Variants in EFNA5 observed in about 807,000 individuals in gnomAD.
The protein encoded by EFNA5 is ephrin-A5.
In EFNA5, 5 loss-of-function variants were observed where a neutral mutation model predicts 22.9. The observed-to-expected ratio is 0.22, with a 90% CI of 0.11 to 0.46. The LOEUF (loss-of-function observed/expected upper bound fraction) is 0.46, where lower values mean the gene tolerates loss of function less well. Among genes scored for constraint, EFNA5 ranks in the 20% least tolerant of loss-of-function variants. EFNA5 has a pLI of 0.99. For missense variants in EFNA5, 237 were observed against 293.3 expected, an observed-to-expected ratio of 0.81 and a Z score of 1.40; for synonymous variants, 113 against 112.2, an observed-to-expected ratio of 1.01 and a Z score of -0.04.
At chr5:107,612,530 CA>C (rs1749838345) in intron 1 of EFNA5, among the ~76,000 whole-genome samples, 1 of 151,786 alleles carries the variant, frequency 6.6e-6, no homozygotes, top group East Asian at 1.9e-4. Flanking sequence ...AAAGTTCATC[CA>C]AAATATCTAC....
Position 107,457,857 on chromosome 5 carries a change from C to T in EFNA5, c.126-30348G>A, listed in dbSNP as rs12659194. Among the ~76,000 whole-genome samples the T allele has an allele frequency of 1.2e-3, 190 of 152,282 alleles. 1 individual carries two copies. The East Asian group carries it at 0.034, about 27-fold the overall frequency. On this transcript the variant is annotated intron_variant, in intron 1 of 4. Transcript: ENST00000333274. ...TCCTCTGAATTGCTTCACATAGGAG[C>T]AGCAACTATGTTCACTTCACATATG... is the stretch of plus-strand genomic sequence containing the variant.
At chr5:107,390,894 C>T (rs1278330682) in intron 2 of EFNA5, among the ~76,000 whole-genome samples, 1 of 152,184 alleles carries the variant, frequency 6.6e-6, no homozygotes, top group Admixed American at 6.5e-5. Context: ...TGCAGTGGCT[C>T]ATGCCTGCAA....
rs77676062 is a variant in EFNA5 at position 107,464,807 on chromosome 5, T to C, written c.126-37298A>G. ...AAACCAAATCCATAAGCAAAATTCA[T>C]CACGCCAGGAAAGAGGAGAGGGGAA... On this transcript the variant is annotated intron_variant, in intron 1 of 4. Transcript: ENST00000333274. 7.9e-3 allele frequency among the ~76,000 whole-genome samples: 1,201 copies of C among 152,152 alleles called. 23 individuals are homozygous for C. The highest frequency in any genetic ancestry group is 0.027 in the African/African-American group (1,137 of 41,520).
intron 2 of EFNA5, among the ~76,000 whole-genome samples, chr5:107,420,761 T>C (rs748040100): frequency 9.2e-5 from 14 of 152,140 alleles, no homozygotes; most frequent in Non-Finnish European, 1.9e-4. Flanking sequence ...CCATATGTGG[T>C]TTATTATGGC....
chr5:107,415,650 C>A (rs922410943), intron 2 of EFNA5, among the ~76,000 whole-genome samples: 1 of 152,224 alleles, frequency 6.6e-6, no homozygotes, highest in African/African-American at 2.4e-5. Flanking sequence ...ATGGCTGCTA[C>A]AATTCCTTAA....
chr5:107,381,251 T>C lies in EFNA5; in HGVS notation c.*4A>G. 1.9e-6 allele frequency: 3 copies of C among 1,612,530 alleles called. No homozygotes were observed. Among genetic ancestry groups the C allele is most frequent in the Non-Finnish European group, 1.7e-6 (2 of 1,178,728 alleles). On this transcript the variant is annotated 3_prime_UTR_variant, in exon 5 of 5. Transcript: ENST00000333274. Reference sequence around the variant, plus strand: ...TCTGTGACAAGTGATGGGAGGAGACTGTGCTATAATGTCAAAAGCATCGCC... The same window carrying C: ...TCTGTGACAAGTGATGGGAGGAGACCGTGCTATAATGTCAAAAGCATCGCC...
At chr5:107,640,454 G>C (rs1750477437) in intron 1 of EFNA5, among the ~76,000 whole-genome samples, 1 of 152,224 alleles carries the variant, frequency 6.6e-6, no homozygotes, top group Non-Finnish European at 1.5e-5. Flanking sequence ...TACTTCTATA[G>C]TGAAAACAAG....
chr5:107,486,756 C>T (rs1294626058), intron 1 of EFNA5, among the ~76,000 whole-genome samples: 1 of 152,156 alleles, frequency 6.6e-6, no homozygotes, highest in Non-Finnish European at 1.5e-5. Context: ...TAGTTACCTG[C>T]CTTAATAAAC....
At chr5:107,418,322 G>T (rs1053734633) in intron 2 of EFNA5, among the ~76,000 whole-genome samples, 16 of 152,138 alleles carry the variant, frequency 1.1e-4, no homozygotes, top group African/African-American at 3.4e-4. Flanking sequence ...TCATTAAACT[G>T]TTTCAGTTAA....
At chr5:107,667,200 T>G (rs1751095029) in intron 1 of EFNA5, among the ~76,000 whole-genome samples, 2 of 152,124 alleles carry the variant, frequency 1.3e-5, no homozygotes, top group Admixed American at 6.5e-5. Flanking sequence ...TTCAAACTGA[T>G]AGTTCTGAGT....
intron 2 of EFNA5, among the ~76,000 whole-genome samples, chr5:107,390,087 A>C (rs1232050021): frequency 6.6e-6 from 1 of 152,232 alleles, no homozygotes; most frequent in Non-Finnish European, 1.5e-5. Context: ...TAAACTCCTA[A>C]CCCTTACAGC....
chr5:107,381,166 A>T lies in EFNA5; in HGVS notation c.*89T>A. Reference sequence around the variant, plus strand: ...CTGACATCTGCCAAAACCCAATAACAAGTCCCTTCTTAGGATGAGCAGTTA... The same window carrying T: ...CTGACATCTGCCAAAACCCAATAACTAGTCCCTTCTTAGGATGAGCAGTTA... On this transcript the variant is annotated 3_prime_UTR_variant, in exon 5 of 5. Coordinates refer to ENST00000333274, the MANE Select transcript of EFNA5 (RefSeq NM_001962.3). The T allele has an allele frequency of 1.3e-6, 2 of 1,486,680 alleles. No homozygotes were observed. The highest frequency in any genetic ancestry group is 4.1e-5 in the Admixed American group (2 of 48,326). 92.1% of individuals were successfully genotyped at this position (1,486,680 alleles called of 1,614,324 possible).
At chr5:107,395,198 C>G (rs568729785) in intron 2 of EFNA5, among the ~76,000 whole-genome samples, 1 of 151,942 alleles carries the variant, frequency 6.6e-6, no homozygotes, top group Admixed American at 6.6e-5. Context: ...GCCAACATGC[C>G]TGGCTAATTT....
At chr5:107,428,895 T>C (rs1333517258) in intron 1 of EFNA5, among the ~76,000 whole-genome samples, 1 of 152,244 alleles carries the variant, frequency 6.6e-6, no homozygotes, top group Non-Finnish European at 1.5e-5. Context: ...CAAATTCCTC[T>C]TCTGCAAGGG....
At chr5:107,538,183 G>A (rs1471379686) in intron 1 of EFNA5, among the ~76,000 whole-genome samples, 1 of 152,190 alleles carries the variant, frequency 6.6e-6, no homozygotes, top group Non-Finnish European at 1.5e-5. Context: ...TTTTCATTTA[G>A]TACGTAGTTT....
At chr5:107,631,639 CAAAAAACAT>C (rs1750255630) in intron 1 of EFNA5, among the ~76,000 whole-genome samples, 1 of 151,752 alleles carries the variant, frequency 6.6e-6, no homozygotes, top group Non-Finnish European at 1.5e-5. Context: ...TATTTTCCTA[CAAAAAACAT>C]AAATATTTAT....
At chr5:107,641,859 A>G (rs2112544929) in intron 1 of EFNA5, among the ~76,000 whole-genome samples, 2 of 152,290 alleles carry the variant, frequency 1.3e-5, no homozygotes, top group Middle Eastern at 3.4e-3. Context: ...TTAAAAATCA[A>G]TGACTGTCCA....
chr5:107,661,731 C>T lies in EFNA5; in HGVS notation c.125+8758G>A, dbSNP rs925717299. On this transcript the variant is annotated intron_variant, in intron 1 of 4. Transcript: ENST00000333274. ...TTAAAAACTATTAAAAATGTAAGCACGTGAAGTTGTCTATACATTATTGAG... is the reference window on the plus strand; with the variant it reads ...TTAAAAACTATTAAAAATGTAAGCATGTGAAGTTGTCTATACATTATTGAG... Among the ~76,000 whole-genome samples the T allele has an allele frequency of 2.6e-5, 4 of 152,130 alleles. No homozygotes were observed. The East Asian group carries it at 7.7e-4, about 29-fold the overall frequency.
intron 2 of EFNA5, among the ~76,000 whole-genome samples, chr5:107,406,172 A>C (rs930722607): frequency 2.0e-5 from 3 of 148,638 alleles, no homozygotes; most frequent in African/African-American, 7.4e-5. Flanking sequence ...CTATGTATTT[A>C]TATACATAGA....
Sources: gnomAD v4.1 joint callset for allele counts (sites outside exome capture counted in the v4.1 genomes callset) on GRCh38, gnomAD v4.1.1 for gene constraint, MANE v1.5 for transcripts, NCBI Gene and HGNC (gene_info 2026-07-23, HGNC 2026-07-21) for gene names.